IMPG1: variants seen among roughly 807,000 people sequenced by gnomAD.
IMPG1 encodes interphotoreceptor matrix proteoglycan of 150 kDa.
IMPG1 carries 85 observed loss-of-function variants against 92.0 expected under a neutral mutation model. The observed-to-expected ratio is 0.92, with a 90% confidence interval of 0.78 to 1.11. The LOEUF is 1.11. Among genes scored for constraint, IMPG1 ranks in the 50% least tolerant of loss-of-function variants. The pLI, the probability that IMPG1 is intolerant of heterozygous loss-of-function variation, is 0.00. For missense variants in IMPG1, 1,022 were observed against 956.0 expected (o/e 1.07, Z -0.91); for synonymous variants, 367 against 334.1 (o/e 1.10, Z -1.08).
chr6:76,034,995 T>C (rs543183490), intron 2 of IMPG1, among the ~76,000 whole-genome samples: 8 of 151,548 alleles, frequency 5.3e-5, no homozygotes, highest in Non-Finnish European at 1.2e-4. Flanking sequence ...GGGAATATTA[T>C]GTGCGTGTGT....
chr6:75,924,958 A>G (rs889132899), intron 15 of IMPG1, among the ~76,000 whole-genome samples: 1 of 150,670 alleles, frequency 6.6e-6, no homozygotes, highest in African/African-American at 2.4e-5. Context: ...AGTAGTTACC[A>G]GAGACTGGGG....
At chr6:75,934,937 G>A (rs534811110) in intron 14 of IMPG1, 9 of 471,522 alleles carry the variant, frequency 1.9e-5, no homozygotes, top group Admixed American at 1.6e-4. Flanking sequence ...TGGACAGAAA[G>A]TGATACATCT....
chr6:76,063,258 G>GAAAATAAAATAAA (rs1331528322), intron 1 of IMPG1, among the ~76,000 whole-genome samples: 1 of 151,494 alleles, frequency 6.6e-6, no homozygotes, highest in African/African-American at 2.4e-5. Flanking sequence ...AATAAAATAA[G>GAAAATAAAATAAA]AAAGAAAAAG....
intron 15 of IMPG1, 94 bp from the exon 16 acceptor site, chr6:75,923,800 T>C: frequency 5.6e-6 from 4 of 711,990 alleles, no homozygotes; most frequent in Non-Finnish European, 9.5e-6. Context: ...TTTAACATCA[T>C]GACAAGTGAA....
intron 1 of IMPG1, among the ~76,000 whole-genome samples, chr6:76,057,839 A>G (rs1238384250): frequency 2.6e-5 from 4 of 152,164 alleles, no homozygotes; most frequent in African/African-American, 9.7e-5. Context: ...AATTTTTAAT[A>G]TAACATTGTG....
intron 4 of IMPG1, among the ~76,000 whole-genome samples, chr6:76,032,969 ACT>A (rs1268767795): frequency 6.6e-6 from 1 of 152,024 alleles, no homozygotes; most frequent in Non-Finnish European, 1.5e-5. Flanking sequence ...GAAACAGATG[ACT>A]CTCTCATAGT....
Position 76,015,935 on chromosome 6 carries a change from T to TTC in IMPG1, c.807+2781_807+2782dup, listed in dbSNP as rs557131226. On this transcript the variant is annotated intron_variant, in intron 7 of 16. Transcript: ENST00000369950. Reference sequence around the variant, plus strand: ...ATGACATGGTGGTTAAGAGCAAGAGTTCTGGTGCCAGGCTGCCTGGGTTGG... The same window carrying TTC: ...ATGACATGGTGGTTAAGAGCAAGAGTTCTCTGGTGCCAGGCTGCCTGGGTTGG... Among the ~76,000 whole-genome samples, 916 of 151,980 alleles carry TTC rather than the reference T, an allele frequency of 6.0e-3. 8 individuals carry two copies. The highest frequency in any genetic ancestry group is 0.021 in the African/African-American group (862 of 41,440).
At chr6:75,989,955 A>C (rs1782786909) in intron 12 of IMPG1, among the ~76,000 whole-genome samples, 1 of 152,228 alleles carries the variant, frequency 6.6e-6, no homozygotes, top group Admixed American at 6.5e-5. Context: ...TGTAGTAATA[A>C]GTTTACTATA....
chr6:76,001,309 A>AGTTTT (rs1228076660), intron 12 of IMPG1, among the ~76,000 whole-genome samples: 2 of 152,212 alleles, frequency 1.3e-5, no homozygotes, highest in South Asian at 2.1e-4. Flanking sequence ...TTTCATGAAA[A>AGTTTT]GTTTTGTTTT....
In IMPG1 at chr6:75,993,623, A is replaced by AATTACCTTCC. The variant is rs1429767510; in HGVS notation, c.1291+9285_1291+9294dup. On this transcript the variant is annotated intron_variant, in intron 12 of 16. Coordinates refer to ENST00000369950, the MANE Select transcript of IMPG1 (RefSeq NM_001563.4). ...TCCCAAAGGCTCTTACCTTTGACCT[A>AATTACCTTCC]ATTACCTTCCAAATACCATCACAGT... is the stretch of plus-strand genomic sequence containing the variant. Among the ~76,000 whole-genome samples the AATTACCTTCC allele has an allele frequency of 2.6e-5, 4 of 152,042 alleles. No homozygotes were observed. The East Asian group carries it at 7.7e-4, about 29-fold the overall frequency.
Position 76,072,605 on chromosome 6 carries a change from A to G in IMPG1, c.-117T>C, listed in dbSNP as rs1315836000. 2 of 615,036 alleles carry G rather than the reference A, an allele frequency of 3.3e-6. No individual in the cohort carries two copies. The highest frequency in any genetic ancestry group is 6.1e-5 in the East Asian group (2 of 33,048). The allele number at this position is 615,036 out of a possible 1,614,324, so 38.1% of individuals were successfully genotyped here. On this transcript the variant is annotated 5_prime_UTR_variant, in exon 1 of 17. Transcript: ENST00000369950. Reference sequence around the variant, plus strand: ...TATTGATACCAGATGATTGAGGATAACCTTCTTGGTTTACCTTTATGAGGG... The same window carrying G: ...TATTGATACCAGATGATTGAGGATAGCCTTCTTGGTTTACCTTTATGAGGG...
intron 12 of IMPG1, among the ~76,000 whole-genome samples, chr6:75,966,737 A>T (rs1404137792): frequency 6.6e-6 from 1 of 152,214 alleles, no homozygotes; most frequent in African/African-American, 2.4e-5. Flanking sequence ...TCAGAAACTG[A>T]TCATAGAGGA....
intron 14 of IMPG1, among the ~76,000 whole-genome samples, chr6:75,945,507 T>C (rs973941116): frequency 1.3e-5 from 2 of 152,068 alleles, no homozygotes; most frequent in African/African-American, 4.8e-5. Context: ...CCCACCACCA[T>C]GCCAGGCTTA....
intron 12 of IMPG1, among the ~76,000 whole-genome samples, chr6:75,981,542 C>T (rs933306103): frequency 6.6e-6 from 1 of 152,200 alleles, no homozygotes; most frequent in Non-Finnish European, 1.5e-5. Flanking sequence ...CTAAGCTAGT[C>T]AACATCTTTC....
intron 9 of IMPG1, 72 bp from the exon 10 acceptor site, chr6:76,005,606 T>C: frequency 6.6e-7 from 1 of 1,524,766 alleles, no homozygotes; most frequent in Non-Finnish European, 8.9e-7. Flanking sequence ...ATCACTAGAT[T>C]GCTACAAAGC....
chr6:76,002,757 G>C (rs1446506590), intron 12 of IMPG1, among the ~76,000 whole-genome samples, 161 bp downstream of exon 12: 1 of 152,238 alleles, frequency 6.6e-6, no homozygotes, highest in South Asian at 2.1e-4. Context: ...TCTGCAGAAA[G>C]GTTAGTTCAA....
rs1745982422 is a variant in IMPG1 at position 75,956,755 on chromosome 6, C to G, written c.1292-5661G>C. Among the ~76,000 whole-genome samples the G allele has an allele frequency of 2.0e-5, 3 of 152,160 alleles. No individual in the cohort carries two copies. The South Asian group carries it at 6.2e-4, about 32-fold the overall frequency. ...AGTGGTATAAATTTCCCTGGAAACACTGCTTTACCTGTGTCCCAGAGATTC... is the reference window on the plus strand; with the variant it reads ...AGTGGTATAAATTTCCCTGGAAACAGTGCTTTACCTGTGTCCCAGAGATTC... On this transcript the variant is annotated intron_variant, in intron 12 of 16. Coordinates refer to ENST00000369950, the MANE Select transcript of IMPG1 (RefSeq NM_001563.4).
At chr6:76,050,238 G>A (rs1270788037) in intron 1 of IMPG1, among the ~76,000 whole-genome samples, 1 of 152,018 alleles carries the variant, frequency 6.6e-6, no homozygotes, top group Non-Finnish European at 1.5e-5. Flanking sequence ...CCGGGAGTTC[G>A]AGACTAGCCT....
intron 4 of IMPG1, among the ~76,000 whole-genome samples, chr6:76,033,756 G>A (rs1783689667): frequency 6.6e-6 from 1 of 152,182 alleles, no homozygotes; most frequent in Non-Finnish European, 1.5e-5. Context: ...TGAGTTTAGA[G>A]TTTGACAACA....
Sources: allele counts gnomAD v4.1 joint callset (sites outside exome capture counted in the v4.1 genomes callset), GRCh38; gene constraint gnomAD v4.1.1; transcripts MANE v1.5; gene names NCBI Gene and HGNC (gene_info 2026-07-23, HGNC 2026-07-21).